The following KCND2 variants were observed in gnomAD, a reference collection of about 807,000 sequenced individuals.
The protein encoded by KCND2 is A-type voltage-gated potassium channel KCND2.
KCND2 carries 16 observed loss-of-function variants against 54.4 expected under a neutral mutation model. That is an observed-to-expected ratio of 0.29 (90% CI 0.20 to 0.45). The LOEUF (loss-of-function observed/expected upper bound fraction) is 0.45, where lower values mean the gene tolerates loss of function less well. KCND2 is among the 20% of genes least tolerant of loss of function. The probability of loss-of-function intolerance (pLI) is 1.00; values close to 1 mark genes in which losing one functional copy is unlikely to be tolerated. For synonymous variants in KCND2, 317 were observed against 310.7 expected, an observed-to-expected ratio of 1.02 and a Z score of -0.21; for missense variants, 486 against 824.2, an observed-to-expected ratio of 0.59 and a Z score of 5.02.
chr7:120,697,209 A>C (rs940961528), intron 1 of KCND2, among the ~76,000 whole-genome samples: 1 of 152,218 alleles, frequency 6.6e-6, no homozygotes, highest in Non-Finnish European at 1.5e-5. Flanking sequence ...AGGGTAAAGA[A>C]ATCAGAGGAT....
chr7:120,603,528 G>T (rs1426920120), intron 1 of KCND2, among the ~76,000 whole-genome samples: 3 of 152,186 alleles, frequency 2.0e-5, no homozygotes, highest in Non-Finnish European at 4.4e-5. Context: ...AGCTTGATAT[G>T]TATGACTGTT....
chr7:120,413,449 A>T (rs1801478993), intron 1 of KCND2, among the ~76,000 whole-genome samples: 1 of 151,882 alleles, frequency 6.6e-6, no homozygotes, highest in Non-Finnish European at 1.5e-5. Context: ...TGTGTGGTTA[A>T]TTTTTCTAAT....
chr7:120,574,739 T>C (rs1792406421), intron 1 of KCND2, among the ~76,000 whole-genome samples: 1 of 152,168 alleles, frequency 6.6e-6, no homozygotes, highest in South Asian at 2.1e-4. Context: ...CTCACCATTC[T>C]AGGTTTTTTT....
chr7:120,342,404 A>G (rs1051367408), intron 1 of KCND2, among the ~76,000 whole-genome samples: 1 of 152,222 alleles, frequency 6.6e-6, no homozygotes, highest in African/African-American at 2.4e-5. Flanking sequence ...GGGTACTGTA[A>G]CAAAGATAGA....
intron 1 of KCND2, among the ~76,000 whole-genome samples, chr7:120,282,285 T>C (rs1799277613): frequency 6.6e-6 from 1 of 152,166 alleles, no homozygotes; most frequent in African/African-American, 2.4e-5. Flanking sequence ...GCTGGAACTC[T>C]TGTTTTTCAT....
At chr7:120,430,324 A>G (rs1462464677) in intron 1 of KCND2, among the ~76,000 whole-genome samples, 2 of 152,100 alleles carry the variant, frequency 1.3e-5, no homozygotes, top group African/African-American at 2.4e-5. Flanking sequence ...CGCAACTATT[A>G]TGACCTCATT....
At chr7:120,299,408 G>T (rs1036693397) in intron 1 of KCND2, among the ~76,000 whole-genome samples, 1 of 152,082 alleles carries the variant, frequency 6.6e-6, no homozygotes, top group African/African-American at 2.4e-5. Flanking sequence ...TGACTTGTGT[G>T]TGAAAGTTCT....
At chr7:120,686,540 G>T (rs534475831) in intron 1 of KCND2, among the ~76,000 whole-genome samples, 1 of 152,102 alleles carries the variant, frequency 6.6e-6, no homozygotes, top group East Asian at 1.9e-4. Context: ...GAGCAGGAGC[G>T]AAAGTTTATT....
intron 1 of KCND2, among the ~76,000 whole-genome samples, chr7:120,732,392 C>T (rs1033667568): frequency 3.3e-5 from 5 of 152,044 alleles, no homozygotes; most frequent in African/African-American, 1.2e-4. Context: ...GGAGAAATGG[C>T]CATTAGATTT....
chr7:120,492,995 C>T (rs1258424744), intron 1 of KCND2, among the ~76,000 whole-genome samples: 1 of 151,914 alleles, frequency 6.6e-6, no homozygotes, highest in Non-Finnish European at 1.5e-5. Flanking sequence ...GTACTGTCAT[C>T]GTAAGTAAGG....
chr7:120,596,259 C>T (rs556530072), intron 1 of KCND2, among the ~76,000 whole-genome samples: 1 of 152,076 alleles, frequency 6.6e-6, no homozygotes, highest in Non-Finnish European at 1.5e-5. Context: ...CCCATCACTG[C>T]CAGATTGTTA....
At chr7:120,606,741 T>C (rs1173429502) in intron 1 of KCND2, among the ~76,000 whole-genome samples, 2 of 151,894 alleles carry the variant, frequency 1.3e-5, no homozygotes, top group African/African-American at 2.4e-5. Context: ...ATATAATATA[T>C]ATAAAAGATA....
chr7:120,594,781 G>A (rs1792713431), intron 1 of KCND2, among the ~76,000 whole-genome samples: 1 of 152,110 alleles, frequency 6.6e-6, no homozygotes, highest in Admixed American at 6.5e-5. Context: ...CAGCACTTTG[G>A]GAGGCCAAGG....
At chr7:120,533,466 G>A (rs1428782356) in intron 1 of KCND2, among the ~76,000 whole-genome samples, 1 of 151,968 alleles carries the variant, frequency 6.6e-6, no homozygotes, top group Non-Finnish European at 1.5e-5. Context: ...TTTCATATGT[G>A]CCCTGTTTTT....
chr7:120,447,483 TGAAAAGAAGGTCAA>T (rs1455622584), intron 1 of KCND2, among the ~76,000 whole-genome samples: 1 of 152,130 alleles, frequency 6.6e-6, no homozygotes, highest in Non-Finnish European at 1.5e-5. Context: ...ATATTGTAAC[TGAAAAGAAGGTCAA>T]GAAAATTATA....
chr7:120,552,889 A>AT (rs1372905222), intron 1 of KCND2, among the ~76,000 whole-genome samples: 2 of 152,072 alleles, frequency 1.3e-5, no homozygotes, highest in African/African-American at 2.4e-5. Flanking sequence ...AACATTTGTA[A>AT]TTTTTTCCCA....
chr7:120,354,106 A>G (rs1344686533), intron 1 of KCND2, among the ~76,000 whole-genome samples: 5 of 152,168 alleles, frequency 3.3e-5, no homozygotes, highest in African/African-American at 4.8e-5. Flanking sequence ...TCAGTTGACA[A>G]ACTGAACCAG....
Position 120,320,195 on chromosome 7 carries a change from G to A in KCND2, c.1115+44448G>A, listed in dbSNP as rs548678444. ...GAAATTGTGTAGGGAAGACAGGCAC[G>A]TAATATAGTAATATAAGTATAATAA... is the stretch of plus-strand genomic sequence containing the variant. On this transcript the variant is annotated intron_variant, in intron 1 of 5. Transcript: ENST00000331113. Among the ~76,000 whole-genome samples the A allele has an allele frequency of 6.6e-5, 10 of 152,126 alleles. No homozygotes were observed. In the East Asian group the frequency reaches 1.7e-3, roughly 27 times the overall value.
intron 1 of KCND2, among the ~76,000 whole-genome samples, chr7:120,642,475 T>A (rs1309833152): frequency 1.3e-5 from 2 of 149,630 alleles, no homozygotes; most frequent in African/African-American, 4.9e-5. Flanking sequence ...GGCACAAGAA[T>A]CACTTGAACC....
Sources: allele counts gnomAD v4.1 joint callset (sites outside exome capture counted in the v4.1 genomes callset), GRCh38; gene constraint gnomAD v4.1.1; transcripts MANE v1.5; gene names NCBI Gene and HGNC (gene_info 2026-07-23, HGNC 2026-07-21).